The following YES1 variants were observed in gnomAD, a reference collection of about 807,000 sequenced individuals.
YES1 encodes the protein tyrosine-protein kinase Yes.
Under a neutral mutation model 70.4 loss-of-function variants are expected in YES1, and 39 were observed. That is an observed-to-expected ratio of 0.55 (90% CI 0.43 to 0.72). The LOEUF is 0.72. Ranked by LOEUF, YES1 falls within the 30% of genes least tolerant of loss-of-function variation. YES1 has a pLI of 0.00. For missense variants in YES1, 495 were observed against 644.8 expected (o/e 0.77, Z 2.52); for synonymous variants, 198 against 218.6 (o/e 0.91, Z 0.83).
rs191702923 is a variant in YES1, at chr18:767,498, T to C, written c.-8-10663A>G. Among the ~76,000 whole-genome samples the C allele has an allele frequency of 2.2e-3, 336 of 152,204 alleles. 2 individuals are homozygous for C. Among genetic ancestry groups the C allele is most frequent in the African/African-American group, 7.8e-3 (323 of 41,532 alleles). On this transcript the variant is annotated intron_variant, in intron 1 of 11. Transcript: ENST00000314574. The stretch of plus-strand genomic sequence containing the variant: ...CGATATCTAGTTCTCCTAGTACAAT[T>C]TGTTGAAAAACCTATCCATTTCCCA...
At chr18:749,227 C>T (rs1321498533) in intron 3 of YES1, among the ~76,000 whole-genome samples, 1 of 152,114 alleles carries the variant, frequency 6.6e-6, no homozygotes, top group Non-Finnish European at 1.5e-5. Context: ...GGCGCGGTGG[C>T]TTACGCCTGC....
intron 8 of YES1, among the ~76,000 whole-genome samples, chr18:741,003 T>C (rs1225938686): frequency 6.6e-6 from 1 of 152,200 alleles, no homozygotes; most frequent in Non-Finnish European, 1.5e-5. Context: ...GCTCAAGCCA[T>C]TCTCGTGCCT....
intron 1 of YES1, among the ~76,000 whole-genome samples, chr18:771,005 C>CAA (rs552105932): frequency 5.1e-5 from 6 of 117,966 alleles, no homozygotes; most frequent in Admixed American, 8.9e-5. Context: ...TATCCCATCT[C>CAA]AAAAAAAAAA....
chr18:757,430 G>T (rs1296649672), intron 1 of YES1, among the ~76,000 whole-genome samples: 1 of 151,316 alleles, frequency 6.6e-6, no homozygotes, highest in Non-Finnish European at 1.5e-5. Flanking sequence ...GTGAACCCGG[G>T]AGGCGGAGCT....
Position 732,835 on chromosome 18 carries a change from T to C in YES1, c.1422A>G (p.Pro474=), listed in dbSNP as rs200545548. 4.7e-5 allele frequency: 76 copies of C among 1,614,184 alleles called. 2 individuals are homozygous for C. In the Admixed American group the frequency reaches 1.2e-3, roughly 26 times the overall value. The part of the protein sequence containing the change: ...ELVTKGRVPY[P]GMVNREVLEQ... ...AAGAGCTATAAAATGCAAGCTTACC[T>C]GGATATGGCACTCGGCCCTTTGTTA... Residue 474 remains proline (P), a splice_region_variant and synonymous_variant, in exon 11 of 12, where the codon CCA becomes CCG. Transcript: ENST00000314574.
At chr18:726,718 T>C (rs563214713) in intron 11 of YES1, among the ~76,000 whole-genome samples, 1 of 126,288 alleles carries the variant, frequency 7.9e-6, no homozygotes, top group South Asian at 2.5e-4. Flanking sequence ...GAGGCGGAGG[T>C]TGCAGTGAGC....
In YES1 at chr18:777,838, A is replaced by G. The variant is rs929549957; in HGVS notation, c.-8-21003T>C. ...AAAAAAAAAAAAAATTAAAAAAAGA[A>G]TTACCTATATCAGAACATACTTTAT... On this transcript the variant is annotated intron_variant, in intron 1 of 11. Transcript: ENST00000314574. Among the ~76,000 whole-genome samples, 4 of 152,026 alleles carry G rather than the reference A, an allele frequency of 2.6e-5. No individual in the cohort carries two copies. In the South Asian group the frequency reaches 8.3e-4, roughly 32 times the overall value.
intron 1 of YES1, among the ~76,000 whole-genome samples, chr18:760,282 C>G (rs1489111178): frequency 6.6e-6 from 1 of 152,050 alleles, no homozygotes; most frequent in African/African-American, 2.4e-5. Context: ...CCAGCCTGGC[C>G]AACATGGTGA....
At chr18:796,696 T>A (rs1430150725) in intron 1 of YES1, among the ~76,000 whole-genome samples, 1 of 152,070 alleles carries the variant, frequency 6.6e-6, no homozygotes, top group African/African-American at 2.4e-5. Flanking sequence ...AGGTGGAGGT[T>A]ACAGTGAGCC....
chr18:786,741 C>G (rs1295917018), intron 1 of YES1, among the ~76,000 whole-genome samples: 1 of 152,094 alleles, frequency 6.6e-6, no homozygotes, highest in Non-Finnish European at 1.5e-5. Context: ...TGCTGCACAT[C>G]AAGTTTTTAT....
At chr18:747,308 A>C (rs1476903866) in intron 4 of YES1, among the ~76,000 whole-genome samples, 1 of 152,178 alleles carries the variant, frequency 6.6e-6, no homozygotes, top group African/African-American at 2.4e-5. Flanking sequence ...GTCTCTACTA[A>C]AAATACAAAA....
At chr18:751,901 ATAGTTTTTT>A in intron 2 of YES1, 97 bp from the exon 3 acceptor site, 1 of 801,432 alleles carries the variant, frequency 1.2e-6, no homozygotes, top group Non-Finnish European at 2.1e-6. Flanking sequence ...AAGCTTAAGG[ATAGTTTTTT>A]CTGTAGTCTC....
intron 1 of YES1, among the ~76,000 whole-genome samples, chr18:807,040 C>T (rs1308484038): frequency 6.6e-6 from 1 of 152,188 alleles, no homozygotes; most frequent in African/African-American, 2.4e-5. Context: ...GAGGCCCAGG[C>T]AGGTGGACTG....
chr18:808,050 C>A lies in YES1; in HGVS notation c.-9+4064G>T, dbSNP rs950392553. ...AGGCTTGTAACTCAGTCCATTAGTA[C>A]CTCAACAGTACATTATTCTATACTC... is the stretch of plus-strand genomic sequence containing the variant. On this transcript the variant is annotated intron_variant, in intron 1 of 11. Transcript: ENST00000314574. Among the ~76,000 whole-genome samples, 3 of 152,286 alleles carry A rather than the reference C, an allele frequency of 2.0e-5. No individual in the cohort carries two copies. The East Asian group carries it at 5.8e-4, about 29-fold the overall frequency.
intron 1 of YES1, among the ~76,000 whole-genome samples, chr18:777,806 TAAAAAAA>T (rs35073440): frequency 0.17 from 21,927 of 129,246 alleles, 1,918 homozygotes; most frequent in Middle Eastern, 0.23. Context: ...GACTCTGGCT[TAAAAAAA>T]AAAAAAAAAA....
At chr18:788,224 TAC>T (rs944195738) in intron 1 of YES1, among the ~76,000 whole-genome samples, 1 of 152,218 alleles carries the variant, frequency 6.6e-6, no homozygotes, top group Non-Finnish European at 1.5e-5. Context: ...TAAAAAGAGA[TAC>T]AAAGTTTTTG....
At chr18:800,609 G>A (rs1034213566) in intron 1 of YES1, among the ~76,000 whole-genome samples, 2 of 152,204 alleles carry the variant, frequency 1.3e-5, no homozygotes, top group African/African-American at 4.8e-5. Context: ...GAAATAAAAG[G>A]AAGCCAAAGA....
intron 1 of YES1, among the ~76,000 whole-genome samples, chr18:779,987 A>T (rs1453586337): frequency 6.6e-6 from 1 of 151,166 alleles, no homozygotes; most frequent in Non-Finnish European, 1.5e-5. Flanking sequence ...TAATCCCAGC[A>T]CTTTGGGAGG....
At chr18:756,433 C>T (rs2080406881) in intron 2 of YES1, 124 bp downstream of exon 2, 3 of 1,295,254 alleles carry the variant, frequency 2.3e-6, no homozygotes, top group Non-Finnish European at 3.2e-6. Context: ...GACTGATTTT[C>T]ACATACAATT....
Sources: gnomAD v4.1 joint callset for allele counts (sites outside exome capture counted in the v4.1 genomes callset) on GRCh38, gnomAD v4.1.1 for gene constraint, MANE v1.5 for transcripts, NCBI Gene and HGNC (gene_info 2026-07-23, HGNC 2026-07-21) for gene names.